ROBO2: variants seen among roughly 807,000 people sequenced by gnomAD.
ROBO2 encodes roundabout guidance receptor 2.
In ROBO2, 53 loss-of-function variants were observed where a neutral mutation model predicts 160.8. The observed-to-expected ratio is 0.33, with a 90% CI of 0.26 to 0.41. The LOEUF (loss-of-function observed/expected upper bound fraction) is 0.41, where lower values mean the gene tolerates loss of function less well. Ranked by LOEUF, ROBO2 falls within the 10% of genes least tolerant of loss-of-function variation. ROBO2 has a pLI of 1.00. For missense variants in ROBO2, 1,577 were observed against 1,722.4 expected, an observed-to-expected ratio of 0.92 and a Z score of 1.49; for synonymous variants, 664 against 611.7, an observed-to-expected ratio of 1.09 and a Z score of -1.26.
chr3:76,880,198 C>T (rs182184010), intron 2 of ROBO2, among the ~76,000 whole-genome samples: 174 of 152,074 alleles, frequency 1.1e-3, no homozygotes, highest in South Asian at 1.2e-3. Flanking sequence ...TTCCATTTGG[C>T]CTAGGAATAC....
At chr3:77,273,933 T>C (rs947000698) in intron 2 of ROBO2, among the ~76,000 whole-genome samples, 32 of 152,170 alleles carry the variant, frequency 2.1e-4, no homozygotes, top group Non-Finnish European at 1.3e-4. Context: ...CAACAAAAGA[T>C]GTTAGAATTC....
At chr3:77,095,143 T>C (rs1330927353) in intron 1 of ROBO2, among the ~76,000 whole-genome samples, 2 of 152,250 alleles carry the variant, frequency 1.3e-5, no homozygotes, top group South Asian at 2.1e-4. Context: ...AATCATTTCA[T>C]AGTTTTACTT....
chr3:76,496,769 C>G (rs956481654), intron 2 of ROBO2, among the ~76,000 whole-genome samples: 2 of 152,164 alleles, frequency 1.3e-5, no homozygotes, highest in South Asian at 2.1e-4. Flanking sequence ...AAAATATCAG[C>G]AAACCATTTT....
intron 9 of ROBO2, among the ~76,000 whole-genome samples, chr3:77,560,719 C>T (rs1323330366): frequency 1.3e-5 from 2 of 152,072 alleles, no homozygotes; most frequent in African/African-American, 4.8e-5. Flanking sequence ...TAAAATATAC[C>T]TACCGCAGCT....
intron 2 of ROBO2, among the ~76,000 whole-genome samples, chr3:76,384,932 G>C (rs1175438384): frequency 1.3e-5 from 2 of 152,180 alleles, no homozygotes; most frequent in African/African-American, 2.4e-5. Flanking sequence ...TCTCTTTGCA[G>C]CAAGGCCAGA....
At chr3:76,077,899 C>T (rs1048629601) in intron 2 of ROBO2, among the ~76,000 whole-genome samples, 6 of 152,164 alleles carry the variant, frequency 3.9e-5, no homozygotes, top group African/African-American at 1.4e-4. Context: ...TTGCCAACTT[C>T]CATTGATAAC....
intron 2 of ROBO2, among the ~76,000 whole-genome samples, chr3:76,260,496 G>T (rs539797042): frequency 1.1e-4 from 17 of 152,124 alleles, no homozygotes; most frequent in African/African-American, 3.6e-4. Context: ...AATATTTCAA[G>T]ATCATTTTCA....
At chr3:76,950,216 T>C (rs1398498566) in intron 2 of ROBO2, among the ~76,000 whole-genome samples, 1 of 152,298 alleles carries the variant, frequency 6.6e-6, no homozygotes, top group African/African-American at 2.4e-5. Flanking sequence ...TGTTCTACGG[T>C]GTTCAGTTTA....
intron 2 of ROBO2, among the ~76,000 whole-genome samples, chr3:77,336,134 A>C (rs971027149): frequency 1.3e-5 from 2 of 152,162 alleles, no homozygotes; most frequent in African/African-American, 4.8e-5. Flanking sequence ...CCTGGTGAAG[A>C]AAAAAGGAGA....
chr3:76,453,570 G>T (rs1399252059), intron 2 of ROBO2, among the ~76,000 whole-genome samples: 1 of 152,084 alleles, frequency 6.6e-6, no homozygotes, highest in South Asian at 2.1e-4. Context: ...TGCTGTTTTG[G>T]TTACTGTAGC....
intron 2 of ROBO2, among the ~76,000 whole-genome samples, chr3:76,142,926 CACTT>C (rs1168809289): frequency 6.6e-6 from 1 of 151,816 alleles, no homozygotes; most frequent in Non-Finnish European, 1.5e-5. Context: ...TAAACACACA[CACTT>C]ACTATGTACC....
intron 24 of ROBO2, among the ~76,000 whole-genome samples, chr3:77,639,067 C>T (rs1280081744): frequency 6.6e-6 from 1 of 151,952 alleles, no homozygotes; most frequent in Non-Finnish European, 1.5e-5. Context: ...TGACCTGAGG[C>T]TCTCTGCCCA....
chr3:76,352,697 C>G, intron 2 of ROBO2, among the ~76,000 whole-genome samples: 1 of 152,008 alleles, frequency 6.6e-6, no homozygotes, highest in South Asian at 2.1e-4. Flanking sequence ...TGTGCAGTCT[C>G]CTGTGGATTG....
intron 16 of ROBO2, among the ~76,000 whole-genome samples, chr3:77,585,223 A>G (rs1253369096): frequency 1.3e-5 from 2 of 151,000 alleles, no homozygotes. Context: ...TCTGTTTGCC[A>G]GATATTTTAT....
At chr3:76,563,810 C>T (rs1454512568) in intron 2 of ROBO2, among the ~76,000 whole-genome samples, 2 of 152,080 alleles carry the variant, frequency 1.3e-5, no homozygotes, top group African/African-American at 4.8e-5. Context: ...GATTACTTTA[C>T]CTTAAGCAAT....
At chr3:76,558,437 C>T (rs946022467) in intron 2 of ROBO2, among the ~76,000 whole-genome samples, 1 of 151,978 alleles carries the variant, frequency 6.6e-6, no homozygotes, top group Non-Finnish European at 1.5e-5. Flanking sequence ...CTATGGCAAT[C>T]CCAGTTTTGA....
At chr3:76,836,070 A>G (rs751045959) in intron 2 of ROBO2, among the ~76,000 whole-genome samples, 2 of 152,030 alleles carry the variant, frequency 1.3e-5, no homozygotes, top group Non-Finnish European at 1.5e-5. Context: ...ATTTTAAATT[A>G]TGACTTCTAT....
At position 76,326,089 on chromosome 3, in the gene ROBO2, T is replaced by G. The variant is rs150796383; in HGVS notation, c.109+388487T>G. ...TTAATTTTTGATGATGCTAAATATT[T>G]TATTCTGCATGTTTTGGAGACTTTT... On this transcript the variant is annotated intron_variant, in intron 2 of 26. Transcript: ENST00000487694. Among the ~76,000 whole-genome samples the G allele has an allele frequency of 2.8e-3, 420 of 152,296 alleles. 2 individuals carry two copies. The highest frequency in any genetic ancestry group is 9.8e-3 in the African/African-American group (408 of 41,572).
At chr3:76,567,743 T>TATA (rs1553805904) in intron 2 of ROBO2, among the ~76,000 whole-genome samples, 22 of 106,060 alleles carry the variant, frequency 2.1e-4, no homozygotes, top group Non-Finnish European at 3.4e-4. Context: ...ATATACTGTT[T>TATA]TATATATATA....
Sources: allele counts gnomAD v4.1 joint callset (sites outside exome capture counted in the v4.1 genomes callset), GRCh38; gene constraint gnomAD v4.1.1; transcripts MANE v1.5; gene names NCBI Gene and HGNC (gene_info 2026-07-23, HGNC 2026-07-21).